Variants in ELP4 observed in about 807,000 individuals in gnomAD.
ELP4 encodes the protein elongator complex protein 4.
In ELP4, 51 loss-of-function variants were observed where a neutral mutation model predicts 48.9. That is an observed-to-expected ratio of 1.04 (90% CI 0.83 to 1.32). The LOEUF (loss-of-function observed/expected upper bound fraction) is 1.32, where lower values mean the gene tolerates loss of function less well. ELP4 is among the 40% of genes most tolerant of loss of function. The probability of loss-of-function intolerance (pLI) is 0.00; values close to 1 mark genes in which losing one functional copy is unlikely to be tolerated. For missense variants in ELP4, 519 were observed against 514.6 expected, an observed-to-expected ratio of 1.01 and a Z score of -0.08; for synonymous variants, 210 against 189.2, an observed-to-expected ratio of 1.11 and a Z score of -0.90.
At position 31,532,770 on chromosome 11, in the gene ELP4, G is replaced by GTT. The variant is rs1166501622; in HGVS notation, c.260-6875_260-6874dup. 2.7e-3 allele frequency among the ~76,000 whole-genome samples: 328 copies of GTT among 123,496 alleles called. 2 individuals are homozygous for GTT. The highest frequency in any genetic ancestry group is 8.1e-3 in the African/African-American group (276 of 34,156). The allele number at this position is 123,496 out of a possible 152,430, so 81.0% of individuals were successfully genotyped here. On this transcript the variant is annotated intron_variant, in intron 2 of 9. Coordinates refer to ENST00000640961, the MANE Select transcript of ELP4 (RefSeq NM_019040.5). The stretch of plus-strand genomic sequence containing the variant: ...AAGTACAGATTTCTTTTTTTTGTTG[G>GTT]TTTTTTTTTTTTTTTTTTGAAATGG...
intron 9 of ELP4, among the ~76,000 whole-genome samples, chr11:31,740,029 C>G (rs1947410803): frequency 6.6e-6 from 1 of 152,112 alleles, no homozygotes; most frequent in South Asian, 2.1e-4. Flanking sequence ...AACACGGTTG[C>G]CAAGAGAAGC....
At chr11:31,705,809 C>A (rs1241183591) in intron 9 of ELP4, among the ~76,000 whole-genome samples, 1 of 151,970 alleles carries the variant, frequency 6.6e-6, no homozygotes, top group Non-Finnish European at 1.5e-5. Context: ...AATTTTCAGA[C>A]TGATATATTT....
intron 2 of ELP4, among the ~76,000 whole-genome samples, chr11:31,521,195 G>A (rs1956208984): frequency 1.3e-5 from 2 of 151,892 alleles, no homozygotes; most frequent in South Asian, 2.1e-4. Context: ...CCTCATCTAT[G>A]CTGGATAATT....
chr11:31,549,633 C>T (rs1236709061), intron 3 of ELP4, among the ~76,000 whole-genome samples: 1 of 152,046 alleles, frequency 6.6e-6, no homozygotes, highest in Admixed American at 6.6e-5. Flanking sequence ...CATCCCATTA[C>T]TGGGTATATA....
intron 3 of ELP4, among the ~76,000 whole-genome samples, chr11:31,544,730 C>T (rs1014115091): frequency 1.2e-4 from 18 of 152,220 alleles, no homozygotes; most frequent in African/African-American, 3.9e-4. Flanking sequence ...GACCCCTGAG[C>T]AGCCTAACTG....
intron 6 of ELP4, among the ~76,000 whole-genome samples, chr11:31,631,192 A>C (rs1287943680): frequency 6.6e-6 from 1 of 152,150 alleles, no homozygotes; most frequent in East Asian, 1.9e-4. Context: ...TTGTAATATC[A>C]GGGAAATAGA....
chr11:31,650,500 C>G lies in ELP4; in HGVS notation c.1143+279C>G, dbSNP rs1397316617. 7.6e-5 allele frequency: 21 copies of G among 277,136 alleles called. No homozygotes were observed. In the East Asian group the frequency reaches 1.0e-3, roughly 13 times the overall value. 17.2% of individuals were successfully genotyped at this position (277,136 alleles called of 1,614,324 possible). A position where few individuals can be genotyped will look rare whatever the true frequency, so the allele number is the denominator to read the frequency against. Reference sequence around the variant, plus strand: ...CATGATAAATATGATATGCATATTTCCATGGCTTTGAAAAGCATATTTAAT... The same window carrying G: ...CATGATAAATATGATATGCATATTTGCATGGCTTTGAAAAGCATATTTAAT... On this transcript the variant is annotated intron_variant, in intron 9 of 9. Coordinates refer to ENST00000640961, the MANE Select transcript of ELP4 (RefSeq NM_019040.5).
chr11:31,735,115 A>C (rs903308651), intron 9 of ELP4, among the ~76,000 whole-genome samples: 2 of 150,666 alleles, frequency 1.3e-5, no homozygotes, highest in African/African-American at 4.9e-5. Context: ...AGGAAACGGT[A>C]GTGTTTTCAA....
chr11:31,739,134 T>C (rs142228265), intron 9 of ELP4, among the ~76,000 whole-genome samples: 3 of 152,234 alleles, frequency 2.0e-5, no homozygotes, highest in African/African-American at 7.2e-5. Context: ...TACACCAATA[T>C]TCTCATGACA....
intron 1 of ELP4, chr11:31,511,818 A>G (rs529672450): frequency 9.2e-5 from 14 of 152,332 alleles, no homozygotes; most frequent in African/African-American, 3.4e-4. Context: ...AAACTTGAAC[A>G]GTAATTTTTA....
At chr11:31,528,832 G>T (rs746541467) in intron 2 of ELP4, among the ~76,000 whole-genome samples, 1 of 152,120 alleles carries the variant, frequency 6.6e-6, no homozygotes, top group Non-Finnish European at 1.5e-5. Context: ...CAACCTAATA[G>T]AAAGTTGGAT....
At chr11:31,744,905 G>A (rs1246428052) in intron 9 of ELP4, among the ~76,000 whole-genome samples, 2 of 152,192 alleles carry the variant, frequency 1.3e-5, no homozygotes, top group Admixed American at 6.5e-5. Flanking sequence ...TCAGGCAGGG[G>A]AAGGAAATAA....
chr11:31,522,023 C>T (rs1221234663), intron 2 of ELP4, among the ~76,000 whole-genome samples: 1 of 151,982 alleles, frequency 6.6e-6, no homozygotes, highest in Non-Finnish European at 1.5e-5. Context: ...CCTGAGTATC[C>T]AGATAGTAGA....
chr11:31,742,441 A>G (rs1168060314), intron 9 of ELP4, among the ~76,000 whole-genome samples: 1 of 152,218 alleles, frequency 6.6e-6, no homozygotes, highest in Admixed American at 6.5e-5. Flanking sequence ...CTCAAGACAC[A>G]TAATTGTCAG....
At chr11:31,675,608 T>C (rs1007700699) in intron 9 of ELP4, among the ~76,000 whole-genome samples, 1 of 152,148 alleles carries the variant, frequency 6.6e-6, no homozygotes, top group African/African-American at 2.4e-5. Context: ...AGGGCTGAAG[T>C]GATCATGTAG....
chr11:31,748,960 G>A (rs2134235275), intron 9 of ELP4, among the ~76,000 whole-genome samples: 1 of 152,256 alleles, frequency 6.6e-6, no homozygotes, highest in South Asian at 2.1e-4. Context: ...ATATAATTAA[G>A]TTCATTAGTA....
At chr11:31,529,709 G>A (rs1180392402) in intron 2 of ELP4, among the ~76,000 whole-genome samples, 1 of 152,174 alleles carries the variant, frequency 6.6e-6, no homozygotes, top group East Asian at 1.9e-4. Context: ...AGGGGGGCCT[G>A]CTAGAATAGA....
chr11:31,546,951 C>T (rs1421169503), intron 3 of ELP4, among the ~76,000 whole-genome samples: 6 of 152,136 alleles, frequency 3.9e-5, no homozygotes, highest in African/African-American at 1.4e-4. Context: ...AACAAAGACA[C>T]AACGTACCAG....
At chr11:31,649,766 G>A (rs1157515848) in intron 8 of ELP4, 2 of 177,012 alleles carry the variant, frequency 1.1e-5, no homozygotes, top group East Asian at 1.5e-4. Context: ...CAGTGGTGCC[G>A]TGGGCAGCAT....
Sources: allele counts gnomAD v4.1 joint callset (sites outside exome capture counted in the v4.1 genomes callset), GRCh38; gene constraint gnomAD v4.1.1; transcripts MANE v1.5; gene names NCBI Gene and HGNC (gene_info 2026-07-23, HGNC 2026-07-21).